SPOCK3: variants seen among roughly 807,000 people sequenced by gnomAD.
SPOCK3 encodes the protein SPARC (osteonectin), cwcv and kazal like domains proteoglycan 3.
SPOCK3 carries 30 observed loss-of-function variants against 56.6 expected under a neutral mutation model. The observed-to-expected ratio is 0.53, with a 90% CI of 0.40 to 0.72. The LOEUF (loss-of-function observed/expected upper bound fraction) is 0.72. SPOCK3 is among the 30% of genes least tolerant of loss of function. The probability of loss-of-function intolerance (pLI) is 0.00; values close to 1 mark genes in which losing one functional copy is unlikely to be tolerated. For missense variants in SPOCK3, 527 were observed against 530.0 expected (o/e 0.99, Z 0.06); for synonymous variants, 196 against 183.3 (o/e 1.07, Z -0.56).
At chr4:167,171,261 A>T (rs1386175971) in intron 2 of SPOCK3, among the ~76,000 whole-genome samples, 1 of 152,086 alleles carries the variant, frequency 6.6e-6, no homozygotes, top group Non-Finnish European at 1.5e-5. Flanking sequence ...TAGAATGTGC[A>T]CAGGTTGATA....
At chr4:166,856,804 C>CTAGA (rs1553988940) in intron 6 of SPOCK3, among the ~76,000 whole-genome samples, 49 of 150,282 alleles carry the variant, frequency 3.3e-4, no homozygotes, top group African/African-American at 9.4e-4. Context: ...ATCTATCTAT[C>CTAGA]TATCTAGATA....
intron 4 of SPOCK3, among the ~76,000 whole-genome samples, chr4:166,942,909 G>T (rs540668081): frequency 5.9e-5 from 9 of 152,140 alleles, no homozygotes; most frequent in Non-Finnish European, 8.8e-5. Context: ...TCATCATTAT[G>T]TAAAACTTTG....
intron 5 of SPOCK3, 61 bp from the exon 6 acceptor site, chr4:166,889,305 G>A (rs200093582): frequency 1.1e-5 from 11 of 1,043,210 alleles, no homozygotes; most frequent in Middle Eastern, 2.1e-4. Context: ...TAAAACTCAA[G>A]AAATTTTTAG....
In SPOCK3 at chr4:166,764,880, T is replaced by C. The variant is rs539083189; in HGVS notation, c.710-10151A>G. On this transcript the variant is annotated intron_variant, in intron 7 of 10. Transcript: ENST00000357545. ...TTTCCTGACTTTTTAATGATCACCATTCTAACTGGTGTGAGATGGTATCTC... is the reference window on the plus strand; with the variant it reads ...TTTCCTGACTTTTTAATGATCACCACTCTAACTGGTGTGAGATGGTATCTC... Among the ~76,000 whole-genome samples, 6 of 151,608 alleles carry C rather than the reference T, an allele frequency of 4.0e-5. No individual in the cohort carries two copies. The South Asian group carries it at 1.1e-3, about 27-fold the overall frequency.
At chr4:167,217,302 A>G (rs564179441) in intron 2 of SPOCK3, among the ~76,000 whole-genome samples, 2 of 152,076 alleles carry the variant, frequency 1.3e-5, no homozygotes, top group Non-Finnish European at 2.9e-5. Context: ...CAGGCTGAAA[A>G]TACCGAGGAA....
intron 4 of SPOCK3, among the ~76,000 whole-genome samples, chr4:166,952,286 A>G (rs930420953): frequency 2.0e-5 from 3 of 152,184 alleles, no homozygotes; most frequent in Admixed American, 6.5e-5. Flanking sequence ...TTATACACCA[A>G]TAACAGACAA....
intron 2 of SPOCK3, among the ~76,000 whole-genome samples, chr4:167,114,787 T>C (rs772267920): frequency 1.4e-4 from 21 of 152,118 alleles, no homozygotes; most frequent in Non-Finnish European, 2.9e-4. Flanking sequence ...CAAACCCGTG[T>C]TGTGGTAAGG....
At chr4:166,754,397 A>G in intron 8 of SPOCK3, 111 bp downstream of exon 8, 1 of 1,413,582 alleles carries the variant, frequency 7.1e-7, no homozygotes, top group South Asian at 1.6e-5. Context: ...TTGAATTACA[A>G]AAACATACAC....
chr4:167,189,673 A>C (rs368701187), intron 2 of SPOCK3, among the ~76,000 whole-genome samples: 1 of 144,720 alleles, frequency 6.9e-6, no homozygotes, highest in South Asian at 2.1e-4. Flanking sequence ...ACACTCAAGT[A>C]TATAATACAG....
At chr4:167,164,402 T>C (rs938268453) in intron 2 of SPOCK3, among the ~76,000 whole-genome samples, 12 of 152,138 alleles carry the variant, frequency 7.9e-5, no homozygotes, top group Admixed American at 7.9e-4. Context: ...AATGAGATTA[T>C]ATGGGATTTA....
At chr4:167,081,548 C>T (rs748387563) in intron 2 of SPOCK3, among the ~76,000 whole-genome samples, 1 of 151,968 alleles carries the variant, frequency 6.6e-6, no homozygotes, top group Non-Finnish European at 1.5e-5. Context: ...TCTGCCACAA[C>T]CCCACCAAAA....
At chr4:167,115,728 A>G (rs143903490) in intron 2 of SPOCK3, among the ~76,000 whole-genome samples, 1,843 of 152,190 alleles carry the variant, frequency 0.012, 21 homozygotes, top group Non-Finnish European at 0.018. Context: ...AAGGGGCAAC[A>G]ATGAAAATTA....
intron 4 of SPOCK3, among the ~76,000 whole-genome samples, chr4:166,978,840 G>A (rs577649762): frequency 6.6e-6 from 1 of 152,270 alleles, no homozygotes; most frequent in South Asian, 2.1e-4. Flanking sequence ...AAATGCATTT[G>A]TTTGTATGTG....
At chr4:167,226,526 A>G (rs9312521) in intron 2 of SPOCK3, among the ~76,000 whole-genome samples, 20,240 of 152,170 alleles carry the variant, frequency 0.13, 1,679 homozygotes, top group African/African-American at 0.22. Flanking sequence ...TTGAAAGAGC[A>G]TAACCAGATA....
Position 167,055,873 on chromosome 4 carries a change from G to C in SPOCK3, c.235+6619C>G, listed in dbSNP as rs567972157. Among the ~76,000 whole-genome samples the C allele has an allele frequency of 4.2e-3, 641 of 152,340 alleles. 2 individuals are homozygous for C. The highest frequency in any genetic ancestry group is 7.6e-3 in the Non-Finnish European group (515 of 68,034). ...TCTGTAGGCTCCACCTCTGGGGGCA[G>C]GGCACAGACAAACAAAAAGACAGCA... On this transcript the variant is annotated intron_variant, in intron 3 of 10. Coordinates refer to ENST00000357545, the MANE Select transcript of SPOCK3 (RefSeq NM_001040159.2).
intron 4 of SPOCK3, among the ~76,000 whole-genome samples, chr4:166,931,330 TG>T (rs66996922): frequency 1.6e-5 from 1 of 60,810 alleles, no homozygotes; most frequent in East Asian, 5.0e-4. Context: ...TAGGTGTGTG[TG>T]GGGGGTGGGG....
chr4:166,865,619 A>T (rs891756775), intron 6 of SPOCK3, among the ~76,000 whole-genome samples: 1 of 152,202 alleles, frequency 6.6e-6, no homozygotes, highest in Non-Finnish European at 1.5e-5. Flanking sequence ...AATCACAAGC[A>T]TTCCTATACA....
At chr4:166,975,680 CTCTGGTAATCA>C (rs1266883815) in intron 4 of SPOCK3, among the ~76,000 whole-genome samples, 1 of 152,090 alleles carries the variant, frequency 6.6e-6, no homozygotes, top group African/African-American at 2.4e-5. Context: ...CCTTCCCAGC[CTCTGGTAATCA>C]TCCTTCTACT....
chr4:167,108,863 T>C (rs548064509), intron 2 of SPOCK3, among the ~76,000 whole-genome samples: 1 of 146,488 alleles, frequency 6.8e-6, no homozygotes, highest in African/African-American at 2.5e-5. Context: ...ATACTCCATT[T>C]ACTCTGATGT....
Sources: allele counts gnomAD v4.1 joint callset (sites outside exome capture counted in the v4.1 genomes callset), GRCh38; gene constraint gnomAD v4.1.1; transcripts MANE v1.5; gene names NCBI Gene and HGNC (gene_info 2026-07-23, HGNC 2026-07-21).